SLC9A2: variants seen among roughly 807,000 people sequenced by gnomAD.
SLC9A2 encodes sodium/hydrogen exchanger 2.
SLC9A2 carries 42 observed loss-of-function variants against 71.7 expected under a neutral mutation model. The ratio of observed to expected loss-of-function variants is 0.59; its 90% confidence interval spans 0.46 to 0.76. The LOEUF is 0.76. Ranked by LOEUF, SLC9A2 falls within the 30% of genes least tolerant of loss-of-function variation. The probability of loss-of-function intolerance (pLI) is 0.00; values close to 1 mark genes in which losing one functional copy is unlikely to be tolerated. For synonymous variants in SLC9A2, 396 were observed against 392.5 expected (o/e 1.01, Z -0.10); for missense variants, 829 against 1,017.4 (o/e 0.81, Z 2.52).
At chr2:102,653,865 G>A (rs1463260228) in intron 1 of SLC9A2, among the ~76,000 whole-genome samples, 1 of 152,182 alleles carries the variant, frequency 6.6e-6, no homozygotes, top group Non-Finnish European at 1.5e-5. Flanking sequence ...CATATAGGAG[G>A]GGAAGGCAAC....
intron 1 of SLC9A2, among the ~76,000 whole-genome samples, chr2:102,627,165 A>AC (rs1676266741): frequency 6.6e-6 from 1 of 151,670 alleles, no homozygotes; most frequent in African/African-American, 2.4e-5. Context: ...AACAACAACA[A>AC]AAAGCCAGGT....
chr2:102,665,831 T>C (rs895845861), intron 3 of SLC9A2, among the ~76,000 whole-genome samples: 1 of 95,270 alleles, frequency 1.0e-5, no homozygotes, highest in African/African-American at 3.7e-5. Flanking sequence ...TACAAAGAAA[T>C]GGAAATATGT....
chr2:102,654,065 A>C (rs1476115054), intron 1 of SLC9A2, among the ~76,000 whole-genome samples: 2 of 152,166 alleles, frequency 1.3e-5, no homozygotes, highest in African/African-American at 4.8e-5. Context: ...CTGGGTTTCA[A>C]GTAAGGGGGC....
intron 3 of SLC9A2, 53 bp downstream of exon 3, chr2:102,665,403 G>A: frequency 6.6e-7 from 1 of 1,516,104 alleles, no homozygotes; most frequent in Non-Finnish European, 9.0e-7. Context: ...TTGAATGCAT[G>A]CATTCTCAGC....
chr2:102,689,204 C>T (rs1677611603), intron 5 of SLC9A2, among the ~76,000 whole-genome samples: 1 of 152,050 alleles, frequency 6.6e-6, no homozygotes, highest in South Asian at 2.1e-4. Flanking sequence ...ACAAGGGACC[C>T]GCGATGGATG....
chr2:102,629,827 T>C (rs1676324164), intron 1 of SLC9A2, among the ~76,000 whole-genome samples: 1 of 152,152 alleles, frequency 6.6e-6, no homozygotes, highest in Non-Finnish European at 1.5e-5. Context: ...TGTGGTTGTG[T>C]GATTTTGAGT....
intron 1 of SLC9A2, among the ~76,000 whole-genome samples, chr2:102,638,732 T>C (rs1429832281): frequency 1.3e-5 from 2 of 152,274 alleles, no homozygotes; most frequent in East Asian, 3.8e-4. Context: ...CAGTGGCTTA[T>C]GCCTGTAATC....
At chr2:102,661,179 A>G (rs1677043223) in intron 2 of SLC9A2, among the ~76,000 whole-genome samples, 1 of 152,214 alleles carries the variant, frequency 6.6e-6, no homozygotes, top group African/African-American at 2.4e-5. Flanking sequence ...ACTTTCCAAA[A>G]TTTCCCTATT....
intron 5 of SLC9A2, chr2:102,686,353 G>A (rs1435108001): frequency 6.6e-6 from 1 of 152,152 alleles, no homozygotes; most frequent in Non-Finnish European, 1.5e-5. Context: ...GAGAGAGCCT[G>A]GTGTGTAGCG....
intron 5 of SLC9A2, among the ~76,000 whole-genome samples, chr2:102,690,603 A>C (rs550368959): frequency 6.6e-6 from 1 of 152,292 alleles, no homozygotes. Flanking sequence ...AGACGGACAG[A>C]CATAGAAGGG....
In SLC9A2 at chr2:102,695,802, A is replaced by ATATATTATATATATAT. The variant is rs1553429191; in HGVS notation, c.1586+694_1586+695insTATATATATATTATAT. Among the ~76,000 whole-genome samples the ATATATTATATATATAT allele has an allele frequency of 9.1e-5, 4 of 44,192 alleles. 1 individual carries two copies. Among genetic ancestry groups the ATATATTATATATATAT allele is most frequent in the Non-Finnish European group, 1.8e-4 (3 of 16,538 alleles). 29.0% of individuals were successfully genotyped at this position (44,192 alleles called of 152,430 possible). On this transcript the variant is annotated intron_variant, in intron 7 of 11. Coordinates refer to ENST00000233969, the MANE Select transcript of SLC9A2 (RefSeq NM_003048.6). Reference sequence around the variant, plus strand: ...ATTATATATATATTATATATATATTATATATATATATAATATATATATAAA... The same window carrying ATATATTATATATATAT: ...ATTATATATATATTATATATATATTATATATTATATATATATTATATATATATAATATATATATAAA...
At chr2:102,658,583 T>A (rs995755479) in intron 2 of SLC9A2, among the ~76,000 whole-genome samples, 2 of 151,656 alleles carry the variant, frequency 1.3e-5, no homozygotes, top group Non-Finnish European at 2.9e-5. Context: ...CACTGCTCAC[T>A]TTCTGTTACT....
chr2:102,644,611 T>G (rs1676680397), intron 1 of SLC9A2, among the ~76,000 whole-genome samples: 1 of 152,188 alleles, frequency 6.6e-6, no homozygotes, highest in African/African-American at 2.4e-5. Context: ...TGACCTGGGA[T>G]ACTCGAGCTT....
At chr2:102,691,761 G>T (rs1185068006) in intron 5 of SLC9A2, among the ~76,000 whole-genome samples, 2 of 152,188 alleles carry the variant, frequency 1.3e-5, no homozygotes, top group Non-Finnish European at 2.9e-5. Flanking sequence ...GGCCACACTT[G>T]CTTCCTGGAG....
chr2:102,635,360 G>T (rs1041266364), intron 1 of SLC9A2, among the ~76,000 whole-genome samples: 2 of 152,236 alleles, frequency 1.3e-5, no homozygotes. Context: ...AGCATTCTTT[G>T]TGTGTTCGCT....
intron 1 of SLC9A2, among the ~76,000 whole-genome samples, chr2:102,626,207 C>A (rs577922103): frequency 6.6e-6 from 1 of 152,176 alleles, no homozygotes; most frequent in Admixed American, 6.5e-5. Flanking sequence ...CAGCATGGTA[C>A]TGGTACCAAA....
chr2:102,688,021 GC>G (rs901157005), intron 5 of SLC9A2, among the ~76,000 whole-genome samples: 2 of 152,008 alleles, frequency 1.3e-5, no homozygotes, highest in Admixed American at 1.3e-4. Flanking sequence ...CTCAAGTAAT[GC>G]ACCCACCTTG....
intron 9 of SLC9A2, among the ~76,000 whole-genome samples, chr2:102,702,918 T>C (rs965308691): frequency 6.6e-6 from 1 of 152,256 alleles, no homozygotes; most frequent in Non-Finnish European, 1.5e-5. Flanking sequence ...CACCTTATTC[T>C]AATAATTTGC....
intron 9 of SLC9A2, 46 bp from the exon 10 acceptor site, chr2:102,704,498 G>GT: frequency 6.3e-7 from 1 of 1,581,826 alleles, no homozygotes; most frequent in Non-Finnish European, 8.6e-7. Flanking sequence ...AAATGATCAG[G>GT]TTTTTGTTTT....
Sources: allele counts gnomAD v4.1 joint callset (sites outside exome capture counted in the v4.1 genomes callset), GRCh38; gene constraint gnomAD v4.1.1; transcripts MANE v1.5; gene names NCBI Gene and HGNC (gene_info 2026-07-23, HGNC 2026-07-21).